ARSB: variants seen among roughly 807,000 people sequenced by gnomAD.
ARSB encodes arylsulfatase B, also known as N-acetylgalactosamine-4-sulfatase.
ARSB carries 41 observed loss-of-function variants against 50.9 expected under a neutral mutation model. The observed-to-expected ratio is 0.81, with a 90% CI of 0.63 to 1.04. The LOEUF (loss-of-function observed/expected upper bound fraction) is 1.04. Among genes scored for constraint, ARSB ranks in the 50% least tolerant of loss-of-function variants. The pLI is 0.00. For missense variants in ARSB, 672 were observed against 693.3 expected (o/e 0.97, Z 0.35); for synonymous variants, 269 against 284.8 (o/e 0.94, Z 0.56).
chr5:78,804,427 A>C (rs1743495228), intron 6 of ARSB, among the ~76,000 whole-genome samples: 1 of 152,174 alleles, frequency 6.6e-6, no homozygotes, highest in African/African-American at 2.4e-5. Flanking sequence ...GTAGAGAGTA[A>C]GTTAGAGAGG....
intron 6 of ARSB, among the ~76,000 whole-genome samples, chr5:78,836,175 G>C (rs1293860277): frequency 6.6e-6 from 1 of 152,168 alleles, no homozygotes; most frequent in Admixed American, 6.5e-5. Context: ...AGCTCTTCTT[G>C]TTTCTTCTTC....
chr5:78,905,910 CAAAAAAAAAAA>C (rs57651882), intron 4 of ARSB, among the ~76,000 whole-genome samples: 107 of 94,410 alleles, frequency 1.1e-3, no homozygotes, highest in Admixed American at 2.2e-3. Flanking sequence ...AGCAAAGTAG[CAAAAAAAAAAA>C]AAAAAAAAAA....
At position 78,969,029 on chromosome 5, in the gene ARSB, C is replaced by T. The variant is rs748677053; in HGVS notation, c.476G>A (p.Arg159His). 7.4e-6 allele frequency: 12 copies of T among 1,613,978 alleles called. No individual in the cohort carries two copies. The highest frequency in any genetic ancestry group is 4.5e-5 in the East Asian group (2 of 44,888). Residue 159 changes from arginine (R) to histidine (H), a missense_variant, in exon 2 of 8, where the codon CGC becomes CAC. Coordinates refer to ENST00000264914, the MANE Select transcript of ARSB (RefSeq NM_000046.5). ...ACCAAAGTAGGTATCAAATCCTCGGCGGGTTGGAAGGCATTCTTTCCGGTA... is the reference window on the plus strand; with the variant it reads ...ACCAAAGTAGGTATCAAATCCTCGGTGGGTTGGAAGGCATTCTTTCCGGTA... ...GMYRKECLPTRRGFDTYFGYL... is the reference protein window; with the variant it reads ...GMYRKECLPTHRGFDTYFGYL...
At chr5:78,944,485 T>C (rs1217849258) in intron 4 of ARSB, among the ~76,000 whole-genome samples, 1 of 152,246 alleles carries the variant, frequency 6.6e-6, no homozygotes, top group African/African-American at 2.4e-5. Flanking sequence ...TTTGTTAGTT[T>C]TCCTTCTAAC....
intron 6 of ARSB, among the ~76,000 whole-genome samples, chr5:78,802,780 C>T (rs958956354): frequency 6.6e-6 from 1 of 152,198 alleles, no homozygotes; most frequent in African/African-American, 2.4e-5. Context: ...AGTTCCCTGG[C>T]TTAGCTAATT....
chr5:78,805,001 G>A (rs989962857), intron 6 of ARSB, among the ~76,000 whole-genome samples: 4 of 152,162 alleles, frequency 2.6e-5, no homozygotes, highest in South Asian at 2.1e-4. Context: ...CACAGCATCC[G>A]GCCTCCAGGG....
intron 5 of ARSB, among the ~76,000 whole-genome samples, chr5:78,882,593 C>T (rs1034744271): frequency 3.3e-5 from 5 of 151,976 alleles, no homozygotes; most frequent in Admixed American, 6.6e-5. Context: ...AAGGTATATC[C>T]ATGCGATTGA....
chr5:78,969,006 C>T lies in ARSB; in HGVS notation c.499G>A (p.Gly167Arg), dbSNP rs1554087999. The T allele has an allele frequency of 6.2e-7, 1 of 1,613,930 alleles. No individual in the cohort carries two copies. The highest frequency in any genetic ancestry group is 1.3e-5 in the African/African-American group (1 of 74,902). The change falls in exon 2 of 8, where the codon GGA (glycine) becomes AGA (arginine). Residue 167 changes from glycine to arginine, a missense_variant and splice_region_variant. By Grantham distance (125) the Gly-to-Arg change is moderately radical. Coordinates refer to ENST00000264914, the MANE Select transcript of ARSB (RefSeq NM_000046.5). ...AAAGAAACATGTGCATTTCCATTAC[C>T]AAAGTAGGTATCAAATCCTCGGCGG... ...PTRRGFDTYFGYLLGSEDYYS... is the reference protein window; with the variant it reads ...PTRRGFDTYFRYLLGSEDYYS...
intron 3 of ARSB, among the ~76,000 whole-genome samples, chr5:78,959,112 G>C (rs1432451365): frequency 6.6e-6 from 1 of 152,242 alleles, no homozygotes; most frequent in East Asian, 1.9e-4. Context: ...CATGGGGGTG[G>C]TTACCCCCAT....
intron 5 of ARSB, chr5:78,884,408 T>C (rs1747908975): frequency 6.6e-6 from 1 of 152,116 alleles, no homozygotes; most frequent in African/African-American, 2.4e-5. Context: ...CTGAACCATT[T>C]GAGGGTATGT....
intron 5 of ARSB, among the ~76,000 whole-genome samples, chr5:78,841,222 C>G (rs1192051763): frequency 6.8e-6 from 1 of 146,060 alleles, no homozygotes; most frequent in Non-Finnish European, 1.5e-5. Context: ...CCCAGCAACA[C>G]AGGAGGCTGA....
intron 4 of ARSB, among the ~76,000 whole-genome samples, chr5:78,926,336 T>C (rs1750049788): frequency 6.6e-6 from 1 of 152,190 alleles, no homozygotes; most frequent in Non-Finnish European, 1.5e-5. Context: ...GCATTCTGCA[T>C]TGATGAAATA....
intron 4 of ARSB, among the ~76,000 whole-genome samples, chr5:78,923,566 T>A (rs1454961170): frequency 6.6e-6 from 1 of 152,252 alleles, no homozygotes; most frequent in Non-Finnish European, 1.5e-5. Flanking sequence ...CAATTGTGGC[T>A]TTTGCTTTAA....
intron 5 of ARSB, among the ~76,000 whole-genome samples, chr5:78,876,864 C>T (rs1747505103): frequency 6.6e-6 from 1 of 152,172 alleles, no homozygotes; most frequent in Non-Finnish European, 1.5e-5. Flanking sequence ...AGATTAGTGG[C>T]AGCACTAAAT....
chr5:78,792,536 G>C (rs1201258040), intron 6 of ARSB, among the ~76,000 whole-genome samples: 3 of 152,146 alleles, frequency 2.0e-5, no homozygotes, highest in African/African-American at 7.2e-5. Context: ...TTTAGAACAA[G>C]CTCTTTTTCT....
At chr5:78,849,434 T>G (rs1374896622) in intron 5 of ARSB, among the ~76,000 whole-genome samples, 2 of 152,010 alleles carry the variant, frequency 1.3e-5, no homozygotes, top group African/African-American at 4.8e-5. Context: ...TATCTCTGTT[T>G]TGGTACCAGT....
chr5:78,835,281 C>T (rs1744900245), intron 6 of ARSB, among the ~76,000 whole-genome samples: 1 of 152,092 alleles, frequency 6.6e-6, no homozygotes, highest in South Asian at 2.1e-4. Flanking sequence ...CCTCTGGGCA[C>T]CCTATAATTT....
At chr5:78,980,361 T>C (rs1170515252) in intron 1 of ARSB, among the ~76,000 whole-genome samples, 10 of 152,246 alleles carry the variant, frequency 6.6e-5, no homozygotes, top group African/African-American at 1.4e-4. Flanking sequence ...TAGGAACTTA[T>C]CCTTCATATA....
At chr5:78,871,575 C>G (rs1747178859) in intron 5 of ARSB, among the ~76,000 whole-genome samples, 1 of 147,642 alleles carries the variant, frequency 6.8e-6, no homozygotes, top group Admixed American at 6.9e-5. Flanking sequence ...AAAGGATTCC[C>G]TATTTAATAA....
Sources: gnomAD v4.1 joint callset for allele counts (sites outside exome capture counted in the v4.1 genomes callset) on GRCh38, gnomAD v4.1.1 for gene constraint, MANE v1.5 for transcripts, NCBI Gene and HGNC (gene_info 2026-07-23, HGNC 2026-07-21) for gene names.